The following CDC42BPB variants were observed in gnomAD, a reference collection of about 807,000 sequenced individuals.
CDC42BPB encodes serine/threonine-protein kinase MRCK beta.
Under a neutral mutation model 214.9 loss-of-function variants are expected in CDC42BPB, and 37 were observed. The observed-to-expected ratio is 0.17, with a 90% CI of 0.13 to 0.23. The LOEUF is 0.23. Ranked by LOEUF, CDC42BPB falls within the 10% of genes least tolerant of loss-of-function variation. The pLI, the probability that CDC42BPB is intolerant of heterozygous loss-of-function variation, is 1.00. For synonymous variants in CDC42BPB, 931 were observed against 884.0 expected, an observed-to-expected ratio of 1.05 and a Z score of -0.94; for missense variants, 1,694 against 2,227.0, an observed-to-expected ratio of 0.76 and a Z score of 4.82.
At chr14:102,968,411 C>A in intron 15 of CDC42BPB, 53 bp from the exon 16 acceptor site, 2 of 1,611,688 alleles carry the variant, frequency 1.2e-6, no homozygotes, top group South Asian at 1.1e-5. Flanking sequence ...CACTGATATT[C>A]GTATCTATGG....
Position 102,940,117 on chromosome 14 carries a change from T to G in CDC42BPB, c.4520A>C (p.Asn1507Thr). ...GAGGAGGTTGAGGGTGCCTTCAGAGTTCAGGGGCCTTATCTGGATTGGAAA... is the reference window on the plus strand; with the variant it reads ...GAGGAGGTTGAGGGTGCCTTCAGAGGTCAGGGGCCTTATCTGGATTGGAAA... ...TIGLRRIRPL[N>T]SEGTLNLLNC... is the part of the protein sequence containing the mutation. Residue 1507 changes from asparagine (N) to threonine (T), a missense_variant, in exon 32 of 37, where the codon AAC becomes ACC. This residue lies in a region of CDC42BPB where 567 missense variants were observed against 790.3 expected (regional missense o/e 0.72). Coordinates refer to ENST00000361246, the MANE Select transcript of CDC42BPB (RefSeq NM_006035.4). 6.2e-7 allele frequency: 1 copy of G among 1,613,608 alleles called. No homozygotes were observed. Among genetic ancestry groups the G allele is most frequent in the Non-Finnish European group, 8.5e-7 (1 of 1,179,940 alleles).
intron 1 of CDC42BPB, among the ~76,000 whole-genome samples, chr14:103,056,525 G>A (rs1204214936): frequency 6.6e-6 from 1 of 151,170 alleles, no homozygotes; most frequent in African/African-American, 2.4e-5. Context: ...TGGGGAAAGG[G>A]AACTAATTCC....
chr14:103,010,644 G>C (rs1288520877), intron 2 of CDC42BPB, among the ~76,000 whole-genome samples: 1 of 152,210 alleles, frequency 6.6e-6, no homozygotes. Flanking sequence ...TTCCTTGTTT[G>C]ATTTTTCCTC....
chr14:102,990,150 G>T (rs1270839450), intron 5 of CDC42BPB, among the ~76,000 whole-genome samples: 2 of 152,152 alleles, frequency 1.3e-5, no homozygotes, highest in Non-Finnish European at 2.9e-5. Flanking sequence ...ATCAACAAAG[G>T]CGGAAGGGAA....
At chr14:103,038,222 C>T (rs1887779015) in intron 1 of CDC42BPB, among the ~76,000 whole-genome samples, 1 of 151,018 alleles carries the variant, frequency 6.6e-6, no homozygotes, top group African/African-American at 2.4e-5. Context: ...GTAGTCCCAG[C>T]TACTCGGGAG....
chr14:102,951,575 G>A (rs1892491850), intron 24 of CDC42BPB, among the ~76,000 whole-genome samples: 1 of 152,080 alleles, frequency 6.6e-6, no homozygotes, highest in Admixed American at 6.5e-5. Context: ...GATCACTTGA[G>A]GTCAGGAGTT....
rs2139360489 is a variant in CDC42BPB, at chr14:102,943,567, A to T, written c.4408+324T>A. Among the ~76,000 whole-genome samples, 1 of 151,368 alleles carries T rather than the reference A, an allele frequency of 6.6e-6. No individual in the cohort carries two copies. Among genetic ancestry groups the T allele is most frequent in the South Asian group, 2.1e-4 (1 of 4,784 alleles). The stretch of plus-strand genomic sequence containing the variant: ...ACGAGGAAGGCCTTTTAAATGAGAG[A>T]TGAATGCCACGCCCCGTTCTCGGTT... On this transcript the variant is annotated intron_variant, in intron 30 of 36. Transcript: ENST00000361246. This position sits in a 1 kb window ranked among gnomAD's most constrained non-coding sequence, Gnocchi z 4.6.
intron 26 of CDC42BPB, 100 bp downstream of exon 26, chr14:102,949,665 A>C: frequency 6.9e-7 from 1 of 1,452,904 alleles, no homozygotes; most frequent in Non-Finnish European, 9.5e-7. Context: ...CAGGTGAAGT[A>C]CTAATGAGGT....
intron 1 of CDC42BPB, among the ~76,000 whole-genome samples, chr14:103,019,834 T>C (rs1886669125): frequency 6.6e-6 from 1 of 152,174 alleles, no homozygotes; most frequent in Non-Finnish European, 1.5e-5. Context: ...ATCAATCAAG[T>C]GTAACCACCG....
intron 1 of CDC42BPB, chr14:103,041,749 A>G (rs1888012671): frequency 1.9e-6 from 1 of 519,896 alleles, no homozygotes; most frequent in Non-Finnish European, 3.6e-6. Context: ...GACCATTAGC[A>G]TCTCTGTGGA....
At chr14:103,021,937 A>G (rs369226844) in intron 1 of CDC42BPB, among the ~76,000 whole-genome samples, 79 of 152,306 alleles carry the variant, frequency 5.2e-4, no homozygotes, top group African/African-American at 1.4e-3. Flanking sequence ...CTGGCCAAGC[A>G]CTAGGACGCT....
chr14:103,011,679 G>T (rs1886168203), intron 2 of CDC42BPB, among the ~76,000 whole-genome samples: 1 of 152,204 alleles, frequency 6.6e-6, no homozygotes, highest in Non-Finnish European at 1.5e-5. Context: ...AGAAGGCAAA[G>T]GTTGCCGTTA....
chr14:102,957,237 G>A (rs990329510), intron 21 of CDC42BPB, among the ~76,000 whole-genome samples: 1 of 151,182 alleles, frequency 6.6e-6, no homozygotes, highest in African/African-American at 2.4e-5. Context: ...AGGGATGAGG[G>A]ATTAGCAAGG....
In CDC42BPB at chr14:102,996,115, G is replaced by A. The variant is rs111565036; in HGVS notation, c.596+3450C>T. ...AGCACTTTGGGAGGCCGAGGCGGGCGGATCACGAGGTCAGGAGATCAAGAC... is the reference window on the plus strand; with the variant it reads ...AGCACTTTGGGAGGCCGAGGCGGGCAGATCACGAGGTCAGGAGATCAAGAC... On this transcript the variant is annotated intron_variant, in intron 5 of 36. Coordinates refer to ENST00000361246, the MANE Select transcript of CDC42BPB (RefSeq NM_006035.4). Among the ~76,000 whole-genome samples, 308 of 152,320 alleles carry A rather than the reference G, an allele frequency of 2.0e-3. 2 individuals are homozygous for A. The highest frequency in any genetic ancestry group is 7.0e-3 in the African/African-American group (292 of 41,558).
chr14:103,011,581 C>CA (rs963685378), intron 2 of CDC42BPB, among the ~76,000 whole-genome samples: 2 of 151,578 alleles, frequency 1.3e-5, no homozygotes, highest in East Asian at 2.0e-4. Context: ...CTCATCTCTA[C>CA]AAAAAATACA....
At chr14:102,968,831 G>A in intron 14 of CDC42BPB, 115 bp from the exon 15 acceptor site, 1 of 1,529,392 alleles carries the variant, frequency 6.5e-7, no homozygotes, top group Non-Finnish European at 8.7e-7. Flanking sequence ...GACTGTGTGT[G>A]CCTGGTCTAC....
At chr14:103,023,167 A>AT (rs1184186203) in intron 1 of CDC42BPB, among the ~76,000 whole-genome samples, 6 of 116,444 alleles carry the variant, frequency 5.2e-5, no homozygotes, top group African/African-American at 7.6e-5. Flanking sequence ...TCATGTGGCT[A>AT]ATTTTTTTTT....
At chr14:103,054,582 CAT>C (rs746234918) in intron 1 of CDC42BPB, among the ~76,000 whole-genome samples, 4 of 152,218 alleles carry the variant, frequency 2.6e-5, no homozygotes, top group Admixed American at 2.0e-4. Context: ...TAACTGCACA[CAT>C]GTTAACTAGA....
chr14:103,055,122 C>A (rs566134028), intron 1 of CDC42BPB, among the ~76,000 whole-genome samples: 3 of 152,352 alleles, frequency 2.0e-5, no homozygotes, highest in Admixed American at 2.0e-4. Flanking sequence ...ATCGAGTGAT[C>A]AGAAAGGAAC....
Sources: allele counts gnomAD v4.1 joint callset (sites outside exome capture counted in the v4.1 genomes callset), GRCh38; gene constraint gnomAD v4.1.1; regional missense constraint gnomAD v4.1.1; non-coding constraint Gnocchi (gnomAD v3.1); transcripts MANE v1.5; gene names NCBI Gene and HGNC (gene_info 2026-07-23, HGNC 2026-07-21).